Variants in NCALD observed in about 807,000 individuals in gnomAD.
NCALD encodes the protein neurocalcin delta, also known as neurocalcin-delta.
NCALD carries 10 observed loss-of-function variants against 18.6 expected under a neutral mutation model. The ratio of observed to expected loss-of-function variants is 0.54; its 90% CI spans 0.33 to 0.91. NCALD has a LOEUF of 0.91. NCALD is among the 40% of genes least tolerant of loss of function. The pLI, the probability that NCALD is intolerant of heterozygous loss-of-function variation, is 0.03. For synonymous variants in NCALD, 88 were observed against 87.4 expected (o/e 1.01, Z -0.04); for missense variants, 184 against 247.6 (o/e 0.74, Z 1.72).
At chr8:101,698,630 C>T (rs1033244184) in intron 2 of NCALD, among the ~76,000 whole-genome samples, 1 of 152,122 alleles carries the variant, frequency 6.6e-6, no homozygotes, top group Admixed American at 6.5e-5. Context: ...TAACACCACA[C>T]ATCTACAACC....
At chr8:102,060,352 G>A (rs1222991166) in intron 1 of NCALD, among the ~76,000 whole-genome samples, 1 of 152,204 alleles carries the variant, frequency 6.6e-6, no homozygotes. Flanking sequence ...GAGAATCAAT[G>A]TTCTAGGGCA....
At chr8:102,062,145 T>C (rs1359042630) in intron 1 of NCALD, among the ~76,000 whole-genome samples, 1 of 152,234 alleles carries the variant, frequency 6.6e-6, no homozygotes, top group Non-Finnish European at 1.5e-5. Context: ...GGCTCACGCC[T>C]GTAATCCCAA....
At chr8:102,019,086 A>T (rs1328463095) in intron 2 of NCALD, among the ~76,000 whole-genome samples, 4 of 152,022 alleles carry the variant, frequency 2.6e-5, no homozygotes, top group Non-Finnish European at 5.9e-5. Flanking sequence ...AAACAACCCA[A>T]TTTTTTCACA....
intron 2 of NCALD, among the ~76,000 whole-genome samples, chr8:102,014,372 C>T (rs1316056073): frequency 6.6e-6 from 1 of 152,174 alleles, no homozygotes; most frequent in Non-Finnish European, 1.5e-5. Context: ...GAGGGCCCCA[C>T]TTTCATGATC....
intron 1 of NCALD, among the ~76,000 whole-genome samples, chr8:102,104,431 T>C (rs116811389): frequency 0.017 from 2,623 of 152,112 alleles, 100 homozygotes; most frequent in African/African-American, 0.06. Context: ...CTGTGATTGT[T>C]TTTCTCAAAA....
At chr8:101,826,059 G>T (rs1481754800) in intron 4 of NCALD, among the ~76,000 whole-genome samples, 1 of 152,116 alleles carries the variant, frequency 6.6e-6, no homozygotes, top group African/African-American at 2.4e-5. Flanking sequence ...GGAGAGGAGA[G>T]AATTGAGGGC....
intron 2 of NCALD, among the ~76,000 whole-genome samples, chr8:101,997,972 C>T (rs1325694590): frequency 3.3e-5 from 5 of 152,178 alleles, no homozygotes; most frequent in Admixed American, 6.5e-5. Flanking sequence ...TTCACTCCAA[C>T]AGAAATAGCC....
Position 101,982,963 on chromosome 8 carries a change from T to C in NCALD, c.-157+37274A>G, listed in dbSNP as rs114665874. ...AGACACATGCTCTTCCCTTCCATCT[T>C]GGGCAGCTTCAGCACCAAAAGGCAG... is the stretch of plus-strand genomic sequence containing the variant. On this transcript the variant is annotated intron_variant, in intron 2 of 6. Coordinates refer to the NCALD transcript ENST00000311028. 4.9e-3 allele frequency among the ~76,000 whole-genome samples: 742 copies of C among 152,298 alleles called. 11 individuals carry two copies. Among genetic ancestry groups the C allele is most frequent in the African/African-American group, 0.016 (674 of 41,554 alleles).
At chr8:101,772,091 C>G (rs1275555948) in intron 1 of NCALD, among the ~76,000 whole-genome samples, 2 of 152,102 alleles carry the variant, frequency 1.3e-5, no homozygotes, top group African/African-American at 4.8e-5. Flanking sequence ...TTGGGTCTAG[C>G]CTAAAGGCAG....
At chr8:101,825,159 A>G (rs1279663669) in intron 4 of NCALD, among the ~76,000 whole-genome samples, 2 of 152,208 alleles carry the variant, frequency 1.3e-5, no homozygotes, top group Non-Finnish European at 2.9e-5. Context: ...CAAAATGGCA[A>G]TCATAGGACA....
chr8:101,848,560 C>T (rs930259982), intron 4 of NCALD, among the ~76,000 whole-genome samples: 1 of 152,094 alleles, frequency 6.6e-6, no homozygotes, highest in Non-Finnish European at 1.5e-5. Flanking sequence ...GTCATGATTC[C>T]CATAATCTAT....
At chr8:101,949,388 GGTCCTTGTC>G (rs1819301601) in intron 2 of NCALD, among the ~76,000 whole-genome samples, 1 of 151,894 alleles carries the variant, frequency 6.6e-6, no homozygotes, top group African/African-American at 2.4e-5. Flanking sequence ...TACATTTGTA[GGTCCTTGTC>G]TCCATAGCAC....
chr8:102,115,357 T>C (rs547717394), intron 1 of NCALD, among the ~76,000 whole-genome samples: 4 of 152,326 alleles, frequency 2.6e-5, no homozygotes, highest in African/African-American at 9.6e-5. Flanking sequence ...GTAAAGCAGC[T>C]GAGAAACCAA....
chr8:101,758,549 T>C (rs945611223), intron 1 of NCALD, among the ~76,000 whole-genome samples: 7 of 152,236 alleles, frequency 4.6e-5, no homozygotes, highest in African/African-American at 1.7e-4. Context: ...CCATGAATTA[T>C]GGCAGATCCA....
chr8:101,987,208 G>C (rs1820845413), intron 2 of NCALD, among the ~76,000 whole-genome samples: 1 of 152,110 alleles, frequency 6.6e-6, no homozygotes. Flanking sequence ...CAGAAAACGG[G>C]GCGACTATTG....
chr8:101,907,189 C>T (rs1300846181), intron 3 of NCALD, among the ~76,000 whole-genome samples: 2 of 152,116 alleles, frequency 1.3e-5, no homozygotes, highest in Admixed American at 6.5e-5. Context: ...AGCAAATGTC[C>T]TACTCACCTT....
chr8:101,693,498 C>A (rs190405686), intron 2 of NCALD: 1 of 152,148 alleles, frequency 6.6e-6, no homozygotes, highest in Admixed American at 6.5e-5. Context: ...GCATACAAAT[C>A]CCCTGGGAAT....
At chr8:101,860,604 A>T (rs1392618442) in intron 4 of NCALD, among the ~76,000 whole-genome samples, 3 of 152,204 alleles carry the variant, frequency 2.0e-5, no homozygotes, top group Non-Finnish European at 4.4e-5. Flanking sequence ...CATCACAAGT[A>T]TCCATGTGGC....
In NCALD at chr8:101,990,840, T is replaced by C. The variant is rs138464889; in HGVS notation, c.-157+29397A>G. ...AGGGCAAGCAATATTCTCCTAAATATAGCCCCCTGCCAACCACCTATCTAT... is the reference window on the plus strand; with the variant it reads ...AGGGCAAGCAATATTCTCCTAAATACAGCCCCCTGCCAACCACCTATCTAT... On this transcript the variant is annotated intron_variant, in intron 2 of 6. Coordinates refer to the NCALD transcript ENST00000311028. Among the ~76,000 whole-genome samples, 719 of 152,324 alleles carry C rather than the reference T, an allele frequency of 4.7e-3. 10 individuals are homozygous for C. Among genetic ancestry groups the C allele is most frequent in the African/African-American group, 0.016 (667 of 41,564 alleles).
Sources: gnomAD v4.1 joint callset for allele counts (sites outside exome capture counted in the v4.1 genomes callset) on GRCh38, gnomAD v4.1.1 for gene constraint, MANE v1.5 for transcripts, NCBI Gene and HGNC (gene_info 2026-07-23, HGNC 2026-07-21) for gene names.